SUGCT: variants seen among roughly 807,000 people sequenced by gnomAD.
The protein encoded by SUGCT is succinyl-CoA:glutarate CoA-transferase.
In SUGCT, 41 loss-of-function variants were observed where a neutral mutation model predicts 55.0. The observed-to-expected ratio is 0.74, with a 90% CI of 0.58 to 0.97. SUGCT has a LOEUF of 0.97. Ranked by LOEUF, SUGCT falls within the 50% of genes least tolerant of loss-of-function variation. The pLI is 0.00. For synonymous variants in SUGCT, 187 were observed against 200.4 expected (o/e 0.93, Z 0.56); for missense variants, 568 against 547.8 (o/e 1.04, Z -0.37).
chr7:40,466,391 C>A (rs1420836673), intron 11 of SUGCT, among the ~76,000 whole-genome samples: 1 of 152,200 alleles, frequency 6.6e-6, no homozygotes, highest in African/African-American at 2.4e-5. Context: ...TTCTTAATCT[C>A]ACTACCTGCT....
chr7:40,948,462 TGATGATGA>T, the SUGCT span, among the ~76,000 whole-genome samples: 1 of 151,988 alleles, frequency 6.6e-6, no homozygotes, highest in East Asian at 1.9e-4. Flanking sequence ...ATGATGATGA[TGATGATGA>T]TGATGCTTAA....
intron 12 of SUGCT, among the ~76,000 whole-genome samples, chr7:40,577,678 T>G (rs1796841431): frequency 6.6e-6 from 1 of 152,202 alleles, no homozygotes. Flanking sequence ...ACAAAGTTTA[T>G]AGACTCTGCA....
chr7:40,909,849 G>A, the SUGCT span, among the ~76,000 whole-genome samples: 2 of 152,046 alleles, frequency 1.3e-5, no homozygotes, highest in African/African-American at 2.4e-5. Flanking sequence ...ACTGAGTGGC[G>A]GCTTTTAGAG....
chr7:40,450,650 C>T (rs898818701), intron 10 of SUGCT, among the ~76,000 whole-genome samples: 2 of 151,846 alleles, frequency 1.3e-5, no homozygotes, highest in Admixed American at 1.3e-4. Context: ...GGCAGCCATG[C>T]GCCTGTAGTC....
intron 7 of SUGCT, among the ~76,000 whole-genome samples, chr7:40,251,159 A>C (rs151103914): frequency 3.9e-5 from 6 of 151,928 alleles, no homozygotes; most frequent in African/African-American, 1.5e-4. Flanking sequence ...TATTACCTAC[A>C]TGTTCCATCA....
chr7:41,006,790 C>T, the SUGCT span, among the ~76,000 whole-genome samples: 1 of 152,194 alleles, frequency 6.6e-6, no homozygotes, highest in Admixed American at 6.5e-5. Context: ...GATACTCACC[C>T]TTCTCCTTCT....
At chr7:40,661,355 T>C (rs1801293934) in intron 12 of SUGCT, among the ~76,000 whole-genome samples, 1 of 152,210 alleles carries the variant, frequency 6.6e-6, no homozygotes, top group African/African-American at 2.4e-5. Context: ...AAAGATTCAG[T>C]TACCATTATC....
intron 8 of SUGCT, among the ~76,000 whole-genome samples, chr7:40,314,613 G>A (rs1186838947): frequency 7.3e-6 from 1 of 137,358 alleles, no homozygotes; most frequent in African/African-American, 2.6e-5. Flanking sequence ...TGCCGAGGCT[G>A]GAGTGCAGTG....
Position 40,521,176 on chromosome 7 carries a change from G to A in SUGCT, c.1089+24790G>A, listed in dbSNP as rs553459521. On this transcript the variant is annotated intron_variant, in intron 12 of 13. Transcript: ENST00000335693. Reference sequence around the variant, plus strand: ...AAATGGGGCCTGGTGGGAGGTGATTGGCTCATGGGGGCGGATTCACATTAA... The same window carrying A: ...AAATGGGGCCTGGTGGGAGGTGATTAGCTCATGGGGGCGGATTCACATTAA... Among the ~76,000 whole-genome samples, 14 of 152,232 alleles carry A rather than the reference G, an allele frequency of 9.2e-5. No homozygotes were observed. In the South Asian group the frequency reaches 2.5e-3, roughly 27 times the overall value.
At chr7:40,288,158 T>G (rs1793479060) in intron 8 of SUGCT, among the ~76,000 whole-genome samples, 1 of 152,174 alleles carries the variant, frequency 6.6e-6, no homozygotes, top group Admixed American at 6.5e-5. Flanking sequence ...TTATGATGTT[T>G]TTGGTGTCTG....
At chr7:40,243,864 G>A (rs963447128) in intron 7 of SUGCT, among the ~76,000 whole-genome samples, 5 of 152,152 alleles carry the variant, frequency 3.3e-5, no homozygotes, top group African/African-American at 7.2e-5. Context: ...TTGGAGAGAA[G>A]TTTTTATTGT....
chr7:40,267,296 A>G (rs1562628774), intron 7 of SUGCT, among the ~76,000 whole-genome samples: 1 of 152,206 alleles, frequency 6.6e-6, no homozygotes, highest in Non-Finnish European at 1.5e-5. Flanking sequence ...ACATTAATTC[A>G]TTAAAAGAGC....
At chr7:40,214,198 C>T (rs1312092026) in intron 6 of SUGCT, among the ~76,000 whole-genome samples, 2 of 152,116 alleles carry the variant, frequency 1.3e-5, no homozygotes, top group Non-Finnish European at 2.9e-5. Flanking sequence ...TTAAAATTTT[C>T]TTATAACCGT....
intron 12 of SUGCT, among the ~76,000 whole-genome samples, chr7:40,503,080 A>C (rs1230523305): frequency 1.3e-5 from 2 of 152,112 alleles, no homozygotes; most frequent in African/African-American, 4.8e-5. Context: ...TCTCATACAA[A>C]TAATGTCAGA....
At chr7:40,766,864 A>AAG (rs1223955303) in intron 13 of SUGCT, among the ~76,000 whole-genome samples, 1 of 152,204 alleles carries the variant, frequency 6.6e-6, no homozygotes, top group African/African-American at 2.4e-5. Context: ...TACTGGTATT[A>AAG]TTACTGTGTA....
At chr7:41,032,734 G>A in the SUGCT span, among the ~76,000 whole-genome samples, 1 of 152,222 alleles carries the variant, frequency 6.6e-6, no homozygotes, top group Non-Finnish European at 1.5e-5. Flanking sequence ...GCTTTTCAGT[G>A]GGGTAAAAAC....
chr7:40,487,257 T>G (rs1296848039), intron 11 of SUGCT, among the ~76,000 whole-genome samples: 2 of 133,420 alleles, frequency 1.5e-5, no homozygotes, highest in Non-Finnish European at 3.2e-5. Flanking sequence ...GCTGTTTTTT[T>G]TTTTTTTTTT....
chr7:40,274,300 A>C (rs1290375129), intron 7 of SUGCT, among the ~76,000 whole-genome samples: 1 of 152,006 alleles, frequency 6.6e-6, no homozygotes, highest in Non-Finnish European at 1.5e-5. Flanking sequence ...TGGGGAGAGA[A>C]ATGCACTGAG....
chr7:40,483,468 T>C (rs922145412), intron 11 of SUGCT, among the ~76,000 whole-genome samples: 1 of 152,182 alleles, frequency 6.6e-6, no homozygotes, highest in African/African-American at 2.4e-5. Flanking sequence ...ATTTAACTTA[T>C]CATAATAAGC....
Sources: allele counts gnomAD v4.1 joint callset (sites outside exome capture counted in the v4.1 genomes callset), GRCh38; gene constraint gnomAD v4.1.1; transcripts MANE v1.5; gene names NCBI Gene and HGNC (gene_info 2026-07-23, HGNC 2026-07-21).